Variants in ZNF384 observed in about 807,000 individuals in gnomAD.
ZNF384 encodes the protein CAG repeat protein 1.
A neutral mutation model predicts 65.0 loss-of-function variants in ZNF384; 20 were observed. The ratio of observed to expected loss-of-function variants is 0.31; its 90% confidence interval spans 0.22 to 0.45. ZNF384 has a LOEUF of 0.45. Among genes scored for constraint, ZNF384 ranks in the 20% least tolerant of loss-of-function variants. The pLI, the probability that ZNF384 is intolerant of heterozygous loss-of-function variation, is 1.00. For synonymous variants in ZNF384, 310 were observed against 303.9 expected (o/e 1.02, Z -0.21); for missense variants, 549 against 769.4 (o/e 0.71, Z 3.39).
At position 6,669,130 on chromosome 12, in the gene ZNF384, C is replaced by T. The variant is rs371002665; in HGVS notation, c.1326G>A (p.Ala442=). The change falls in exon 11 of 12, where the codon GCG becomes GCA. Residue 442 remains alanine (A), a synonymous_variant. Coordinates refer to ENST00000683879, the MANE Select transcript of ZNF384 (RefSeq NM_001385745.1). ...KPFKCHNCHR[A]YTDAASLEVH... ...CCTCTAGTGAGGCTGCATCCGTGTA[C>T]GCCCGATGACAGTTGTGGCACTTGA... 22 of 1,613,750 alleles carry T rather than the reference C, an allele frequency of 1.4e-5. No individual in the cohort carries two copies. Among genetic ancestry groups the T allele is most frequent in the South Asian group, 3.3e-5 (3 of 91,004 alleles).
At chr12:6,686,368 C>T (rs968704116) in intron 2 of ZNF384, among the ~76,000 whole-genome samples, 6 of 152,312 alleles carry the variant, frequency 3.9e-5, no homozygotes, top group Middle Eastern at 3.4e-3. Flanking sequence ...ATTCTCCTGC[C>T]TCAGCCTCCC....
chr12:6,680,169 T>C (rs1373707868), intron 2 of ZNF384, among the ~76,000 whole-genome samples: 1 of 152,176 alleles, frequency 6.6e-6, no homozygotes, highest in Non-Finnish European at 1.5e-5. Context: ...TTTTCCATGT[T>C]GCCCAGGCTG....
intron 7 of ZNF384, among the ~76,000 whole-genome samples, chr12:6,676,238 TA>T (rs1218378587): frequency 2.0e-5 from 3 of 151,792 alleles, no homozygotes; most frequent in African/African-American, 7.3e-5. Context: ...TGGCAGAAGT[TA>T]AGAGTGAGTT....
At position 6,673,126 on chromosome 12, in the gene ZNF384, GAAT is replaced by G. The variant is rs1185993037; in HGVS notation, c.1004+87_1004+89del. 2 of 1,212,700 alleles carry G rather than the reference GAAT, an allele frequency of 1.6e-6. No homozygotes were observed. The highest frequency in any genetic ancestry group is 1.4e-5 in the South Asian group (1 of 71,954). 75.1% of individuals were successfully genotyped at this position (1,212,700 alleles called of 1,614,324 possible). A position where few individuals can be genotyped will look rare whatever the true frequency, so the allele number is the denominator to read the frequency against. ...CCAATGGGCAAAGGTGAAAGGGAAAGAATAATACATGTGGAGAGAGGAGTAGGT... is the reference window on the plus strand; with the variant it reads ...CCAATGGGCAAAGGTGAAAGGGAAAGAATACATGTGGAGAGAGGAGTAGGT... On this transcript the variant is annotated intron_variant, in intron 8 of 11. Transcript: ENST00000683879. This position sits in a 1 kb window ranked among gnomAD's most constrained non-coding sequence, Gnocchi z 4.7.
chr12:6,678,176 G>A lies in ZNF384; in HGVS notation c.637C>T (p.Leu213Phe). Residue 213 changes from leucine to phenylalanine, a missense_variant, in exon 6 of 12, where the codon CTC (leucine) becomes TTC (phenylalanine). Leu to Phe is a conservative substitution (Grantham distance 22). Transcript: ENST00000683879. This position sits in a 1 kb window ranked among gnomAD's most constrained non-coding sequence, Gnocchi z 4.9. ...GLPEMNDPYV[L>F]SPEDDDDHQK... is the part of the protein sequence containing the mutation. ...TGGTCATCATCATCCTCAGGGGAGA[G>A]GACATAAGGGTCATTCATCTCGGGC... 1 of 1,614,146 alleles carries A rather than the reference G, an allele frequency of 6.2e-7. No individual in the cohort carries two copies. The highest frequency in any genetic ancestry group is 8.5e-7 in the Non-Finnish European group (1 of 1,180,026).
At chr12:6,689,512 A>C (rs1959171106), upstream of ZNF384, 1 of 152,128 alleles carries the variant, frequency 6.6e-6, no homozygotes, top group South Asian at 2.1e-4. Context: ...GGAAATAGCA[A>C]TGTAGGGGGG....
chr12:6,679,674 T>C (rs1236968441), intron 2 of ZNF384, 149 bp from the exon 3 acceptor site: 4 of 628,376 alleles, frequency 6.4e-6, no homozygotes, highest in Non-Finnish European at 1.1e-5. Context: ...GTCTAGCACA[T>C]TAGTCCCTTG....
chr12:6,682,009 C>T (rs903598210), intron 2 of ZNF384, among the ~76,000 whole-genome samples: 5 of 151,742 alleles, frequency 3.3e-5, no homozygotes, highest in African/African-American at 9.7e-5. Flanking sequence ...AGGGGTCTTA[C>T]GGCTGAGTGT....
rs1592371824 is a variant in ZNF384 at position 6,672,471 on chromosome 12, T to C, written c.1066A>G (p.Thr356Ala). ...GCCAGGTAGGAGGTGTTGGCGAAGG[T>C]CTTGGAGCAGTGCGGGCACTTGTGG... is the stretch of plus-strand genomic sequence containing the variant. Reference protein sequence around the residue: ...KPHKCPHCSKTFANTSYLAQH... With the variant: ...KPHKCPHCSKAFANTSYLAQH... The change falls in exon 9 of 12, where the codon ACC becomes GCC. Residue 356 changes from threonine (T) to alanine (A), a missense_variant. Physicochemically the swap from Thr to Ala is moderately conservative, Grantham distance 58. This residue lies in a region of ZNF384 where 59 missense variants were observed against 63.6 expected (regional missense o/e 0.93). Coordinates refer to ENST00000683879, the MANE Select transcript of ZNF384 (RefSeq NM_001385745.1). The surrounding 1 kb of genome is among the most constrained non-coding windows in gnomAD (Gnocchi z 4.4). 1.1e-5 allele frequency: 17 copies of C among 1,613,950 alleles called. No individual in the cohort carries two copies. Among genetic ancestry groups the C allele is most frequent in the Non-Finnish European group, 1.4e-5 (17 of 1,179,968 alleles).
At chr12:6,684,364 A>T (rs2137290375) in intron 2 of ZNF384, among the ~76,000 whole-genome samples, 1 of 148,830 alleles carries the variant, frequency 6.7e-6, no homozygotes, top group East Asian at 1.9e-4. Context: ...ACTATTTTCC[A>T]GCTAGTTCTC....
rs1432561408 is a variant in ZNF384, at chr12:6,678,897, G to C, written c.304+49C>G. ...TTGGAGCCCTCCAGCCTGGGGTACT[G>C]ATCATGGAAGATCAACACCTCAGAT... On this transcript the variant is annotated intron_variant, in intron 4 of 11. Coordinates refer to ENST00000683879, the MANE Select transcript of ZNF384 (RefSeq NM_001385745.1). The surrounding 1 kb of genome is among the most constrained non-coding windows in gnomAD (Gnocchi z 4.9). The C allele has an allele frequency of 1.1e-5, 17 of 1,586,206 alleles. No individual in the cohort carries two copies. The South Asian group carries it at 1.8e-4, about 17-fold the overall frequency.
intron 6 of ZNF384, 144 bp from the exon 7 acceptor site, chr12:6,677,403 A>C: frequency 1.1e-6 from 1 of 878,256 alleles, no homozygotes; most frequent in Non-Finnish European, 1.4e-6. Flanking sequence ...CAAACTCCCC[A>C]AACCCACTAG....
In ZNF384 at chr12:6,672,279, T is replaced by C. The variant is rs1951787450; in HGVS notation, c.1187+71A>G. On this transcript the variant is annotated intron_variant, in intron 9 of 11. Transcript: ENST00000683879. This position sits in a 1 kb window ranked among gnomAD's most constrained non-coding sequence, Gnocchi z 4.4. ...CCCGCCCCCCGCATGCGGGTTGTTG[T>C]GTGTGTCCGGGGCGGGGGTGGGGAG... 1 of 1,480,346 alleles carries C rather than the reference T, an allele frequency of 6.8e-7. No individual in the cohort carries two copies. The highest frequency in any genetic ancestry group is 2.4e-4 in the Middle Eastern group (1 of 4,108). 91.7% of individuals were successfully genotyped at this position (1,480,346 alleles called of 1,614,324 possible).
At chr12:6,685,625 T>C (rs1957620317) in intron 2 of ZNF384, among the ~76,000 whole-genome samples, 1 of 151,720 alleles carries the variant, frequency 6.6e-6, no homozygotes, top group African/African-American at 2.4e-5. Flanking sequence ...TACAAAAAAT[T>C]AGCTGGGCAT....
chr12:6,683,592 C>A (rs888511060), intron 2 of ZNF384, among the ~76,000 whole-genome samples: 3 of 147,944 alleles, frequency 2.0e-5, no homozygotes, highest in African/African-American at 7.5e-5. Flanking sequence ...GCAGGAGAAT[C>A]ACCTGAGTGC....
At chr12:6,671,298 T>C (rs1951400689) in intron 9 of ZNF384, 1 of 164,820 alleles carries the variant, frequency 6.1e-6, no homozygotes, top group South Asian at 1.5e-4. Context: ...GCAGTTACAC[T>C]GATTGTGGAG....
At chr12:6,682,959 A>G (rs1956600185) in intron 2 of ZNF384, among the ~76,000 whole-genome samples, 1 of 152,216 alleles carries the variant, frequency 6.6e-6, no homozygotes, top group Non-Finnish European at 1.5e-5. Flanking sequence ...CAGACAAGAG[A>G]TAAGAGTGGT....
chr12:6,682,309 G>T lies in ZNF384; in HGVS notation c.-5-2784C>A, dbSNP rs535334396. On this transcript the variant is annotated intron_variant, in intron 2 of 11. Transcript: ENST00000683879. Reference sequence around the variant, plus strand: ...TACTCTAACCTGGGTAACAGAGCAAGACCCCAACTCCAAAACAAAACAAAA... The same window carrying T: ...TACTCTAACCTGGGTAACAGAGCAATACCCCAACTCCAAAACAAAACAAAA... Among the ~76,000 whole-genome samples the T allele has an allele frequency of 1.4e-4, 21 of 148,382 alleles. No homozygotes were observed. The South Asian group carries it at 4.5e-3, about 32-fold the overall frequency.
At position 6,672,934 on chromosome 12, in the gene ZNF384, A is replaced by G. The variant is rs2077906094; in HGVS notation, c.1004+282T>C. The G allele has an allele frequency of 8.2e-6, 4 of 488,910 alleles. No homozygotes were observed. The highest frequency in any genetic ancestry group is 6.8e-5 in the Admixed American group (2 of 29,540). The allele number at this position is 488,910 out of a possible 1,614,324, so 30.3% of individuals were successfully genotyped here. A position where few individuals can be genotyped will look rare whatever the true frequency, so the allele number is the denominator to read the frequency against. On this transcript the variant is annotated intron_variant, in intron 8 of 11. Coordinates refer to ENST00000683879, the MANE Select transcript of ZNF384 (RefSeq NM_001385745.1). This position sits in a 1 kb window ranked among gnomAD's most constrained non-coding sequence, Gnocchi z 4.4. The stretch of plus-strand genomic sequence containing the variant: ...AATGCACACCTTGGCTCTGAACTGA[A>G]GCATATAGTAAAAGCAGGCCTGCTC...
Sources: gnomAD v4.1 joint callset for allele counts (sites outside exome capture counted in the v4.1 genomes callset) on GRCh38, gnomAD v4.1.1 for gene constraint, gnomAD v4.1.1 regional missense constraint, Gnocchi (gnomAD v3.1) non-coding constraint, MANE v1.5 for transcripts, NCBI Gene and HGNC (gene_info 2026-07-23, HGNC 2026-07-21) for gene names.